ABCA9: variants seen among roughly 807,000 people sequenced by gnomAD.
The protein encoded by ABCA9 is ATP-binding cassette sub-family A member 9.
In ABCA9, 183 loss-of-function variants were observed where a neutral mutation model predicts 205.3. The ratio of observed to expected loss-of-function variants is 0.89; its 90% confidence interval spans 0.79 to 1.01. The LOEUF is 1.01. Among genes scored for constraint, ABCA9 ranks in the 50% least tolerant of loss-of-function variants. The pLI is 0.00. For missense variants in ABCA9, 1,805 were observed against 1,912.4 expected (o/e 0.94, Z 1.05); for synonymous variants, 651 against 683.3 (o/e 0.95, Z 0.74).
chr17:69,051,214 A>G, intron 1 of ABCA9, 75 bp from the exon 2 acceptor site: 1 of 1,359,844 alleles, frequency 7.4e-7, no homozygotes. Flanking sequence ...CAAACATAAA[A>G]GAAACATTGT....
At chr17:69,013,239 G>T (rs987162329) in intron 22 of ABCA9, among the ~76,000 whole-genome samples, 3 of 152,130 alleles carry the variant, frequency 2.0e-5, no homozygotes, top group African/African-American at 7.2e-5. Context: ...GCAAAGGTGA[G>T]ATTGATGGAT....
At chr17:69,005,596 C>T (rs2144156677) in intron 25 of ABCA9, among the ~76,000 whole-genome samples, 1 of 152,332 alleles carries the variant, frequency 6.6e-6, no homozygotes, top group Non-Finnish European at 1.5e-5. Flanking sequence ...AGGAAAAGCT[C>T]CGTATCAGGG....
intron 1 of ABCA9, among the ~76,000 whole-genome samples, chr17:69,056,959 A>G (rs900160792): frequency 6.6e-6 from 1 of 152,240 alleles, no homozygotes; most frequent in Admixed American, 6.5e-5. Flanking sequence ...CTAGTGTTCA[A>G]TGGTGTGAAA....
Position 68,974,691 on chromosome 17 carries a change from TAATATATAGA to T in ABCA9, c.*1214_*1223del, listed in dbSNP as rs2143886294. On this transcript the variant is annotated 3_prime_UTR_variant, in exon 39 of 39. Coordinates refer to ENST00000340001, the MANE Select transcript of ABCA9 (RefSeq NM_080283.4). ...GGGTTACCAGTTGGATAGGTCATAA[TAATATATAGA>T]GATATGGGAAATTAAGACCTATGAA... 1 of 152,302 alleles carries T rather than the reference TAATATATAGA, an allele frequency of 6.6e-6. No homozygotes were observed. Among genetic ancestry groups the T allele is most frequent in the South Asian group, 2.1e-4 (1 of 4,832 alleles). 9.4% of individuals were successfully genotyped at this position (152,302 alleles called of 1,614,324 possible). A position where few individuals can be genotyped will look rare whatever the true frequency, so the allele number is the denominator to read the frequency against.
At chr17:69,016,125 C>CATATATATATAT (rs1555632324) in intron 22 of ABCA9, 128 bp downstream of exon 22, 12 of 64,622 alleles carry the variant, frequency 1.9e-4, no homozygotes, top group African/African-American at 3.6e-4. Flanking sequence ...TATATATATA[C>CATATATATATAT]ACACACACAC....
At chr17:69,052,403 T>C (rs2144514531) in intron 1 of ABCA9, among the ~76,000 whole-genome samples, 1 of 151,890 alleles carries the variant, frequency 6.6e-6, no homozygotes, top group East Asian at 1.9e-4. Flanking sequence ...TTATAACACA[T>C]ACTAGAAGGT....
At chr17:69,058,875 A>C (rs1250864274) in intron 1 of ABCA9, among the ~76,000 whole-genome samples, 2 of 151,972 alleles carry the variant, frequency 1.3e-5, no homozygotes, top group Non-Finnish European at 2.9e-5. Context: ...TGAGTAATTC[A>C]TAAAGGAAAG....
At chr17:69,035,567 A>C in intron 7 of ABCA9, 93 bp downstream of exon 7, 1 of 1,508,544 alleles carries the variant, frequency 6.6e-7, no homozygotes, top group Non-Finnish European at 8.9e-7. Flanking sequence ...CTACAAAGAG[A>C]ACAAAAGAGG....
intron 36 of ABCA9, among the ~76,000 whole-genome samples, chr17:68,982,941 G>T (rs1363309496): frequency 6.6e-6 from 1 of 152,186 alleles, no homozygotes; most frequent in Non-Finnish European, 1.5e-5. Context: ...ATGGGATTGA[G>T]GCTGCAGTGA....
At chr17:69,009,278 CG>C (rs1293693465) in intron 23 of ABCA9, among the ~76,000 whole-genome samples, 3 of 152,120 alleles carry the variant, frequency 2.0e-5, no homozygotes. Context: ...AATTGTAACT[CG>C]GGGGTCAGGT....
chr17:69,050,248 T>A (rs913225158), intron 2 of ABCA9, among the ~76,000 whole-genome samples: 4 of 152,134 alleles, frequency 2.6e-5, no homozygotes, highest in Non-Finnish European at 4.4e-5. Context: ...ATTTATATAA[T>A]CTTTTCCCTA....
intron 25 of ABCA9, among the ~76,000 whole-genome samples, chr17:69,006,626 C>T (rs971260856): frequency 1.3e-5 from 2 of 151,982 alleles, no homozygotes; most frequent in Non-Finnish European, 2.9e-5. Flanking sequence ...ATGATTTTTA[C>T]AAGGAGGAGG....
intron 22 of ABCA9, 77 bp from the exon 23 acceptor site, chr17:69,012,160 C>G (rs1345054052): frequency 1.0e-6 from 1 of 988,730 alleles, no homozygotes; most frequent in African/African-American, 1.7e-5. Flanking sequence ...CTAAATCACT[C>G]AAATAAATGA....
intron 21 of ABCA9, 68 bp downstream of exon 21, chr17:69,017,588 A>G: frequency 6.4e-7 from 1 of 1,557,998 alleles, no homozygotes; most frequent in Non-Finnish European, 8.7e-7. Flanking sequence ...TTCAGCTGAT[A>G]TGAATTATTC....
chr17:69,016,854 G>A (rs567653512), intron 21 of ABCA9, among the ~76,000 whole-genome samples: 35 of 143,672 alleles, frequency 2.4e-4, no homozygotes, highest in African/African-American at 1.0e-3. Context: ...TTAAAATAAC[G>A]TGTGTGTGTG....
At position 68,985,956 on chromosome 17, in the gene ABCA9, AAAAAAG is replaced by A. The variant is rs769507545; in HGVS notation, c.4208+202_4208+207del. On this transcript the variant is annotated intron_variant, in intron 32 of 38. Transcript: ENST00000340001. ...CTCCGTCTCAAAAGAAAAAAAAAGGAAAAAAGAAAAAGAAAAAGAAATCAATAAACA... is the reference window on the plus strand; with the variant it reads ...CTCCGTCTCAAAAGAAAAAAAAAGGAAAAAAGAAAAAGAAATCAATAAACA... 1.8e-4 allele frequency among the ~76,000 whole-genome samples: 25 copies of A among 136,808 alleles called. No individual in the cohort carries two copies. The East Asian group carries it at 3.5e-3, about 19-fold the overall frequency. 89.8% of individuals were successfully genotyped at this position (136,808 alleles called of 152,430 possible).
At chr17:69,043,952 G>A (rs2144459436) in intron 5 of ABCA9, among the ~76,000 whole-genome samples, 1 of 152,288 alleles carries the variant, frequency 6.6e-6, no homozygotes, top group East Asian at 1.9e-4. Flanking sequence ...TAGCTGAAAT[G>A]TCACTTCAAT....
rs771663151 is a variant in ABCA9 at position 69,016,241 on chromosome 17, A to G, written c.3039+12T>C. 2.6e-6 allele frequency: 4 copies of G among 1,562,672 alleles called. No homozygotes were observed. In the South Asian group the frequency reaches 3.6e-5, roughly 14 times the overall value. ...TCATGGCACAGTATAAATGAGATAT[A>G]ATTATACTTACTTCAAAAAATGTGC... On this transcript the variant is annotated intron_variant, in intron 22 of 38. Coordinates refer to ENST00000340001, the MANE Select transcript of ABCA9 (RefSeq NM_080283.4).
intron 3 of ABCA9, 58 bp downstream of exon 3, chr17:69,049,225 A>G: frequency 3.5e-6 from 5 of 1,439,684 alleles, no homozygotes; most frequent in Non-Finnish European, 4.7e-6. Flanking sequence ...GGAAATCTCA[A>G]AATGAATTTG....
Sources: gnomAD v4.1 joint callset for allele counts (sites outside exome capture counted in the v4.1 genomes callset) on GRCh38, gnomAD v4.1.1 for gene constraint, MANE v1.5 for transcripts, NCBI Gene and HGNC (gene_info 2026-07-23, HGNC 2026-07-21) for gene names.